The following ZMYM4 variants were observed in gnomAD, a reference collection of about 807,000 sequenced individuals.
ZMYM4 encodes the protein zinc finger MYM-type containing 4.
In ZMYM4, 31 loss-of-function variants were observed where a neutral mutation model predicts 183.2. The observed-to-expected ratio is 0.17, with a 90% CI of 0.13 to 0.23. The LOEUF (loss-of-function observed/expected upper bound fraction) is 0.23. ZMYM4 is among the 10% of genes least tolerant of loss of function. The pLI, the probability that ZMYM4 is intolerant of heterozygous loss-of-function variation, is 1.00. For synonymous variants in ZMYM4, 592 were observed against 631.2 expected (o/e 0.94, Z 0.93); for missense variants, 1,273 against 1,840.3 (o/e 0.69, Z 5.64).
At chr1:35,307,217 A>C (rs997761384) in intron 1 of ZMYM4, among the ~76,000 whole-genome samples, 4 of 152,204 alleles carry the variant, frequency 2.6e-5, no homozygotes, top group Non-Finnish European at 5.9e-5. Flanking sequence ...GGCATGATAG[A>C]GAGACTAACT....
intron 1 of ZMYM4, among the ~76,000 whole-genome samples, chr1:35,301,227 A>G (rs1429928802): frequency 6.6e-6 from 1 of 152,186 alleles, no homozygotes; most frequent in Non-Finnish European, 1.5e-5. Flanking sequence ...TTGATGCCCC[A>G]TGTGATACCC....
Position 35,298,968 on chromosome 1 carries a change from T to G in ZMYM4, c.40-26392T>G, listed in dbSNP as rs1276287811. Among the ~76,000 whole-genome samples, 5 of 152,246 alleles carry G rather than the reference T, an allele frequency of 3.3e-5. No homozygotes were observed. In the East Asian group the frequency reaches 9.6e-4, roughly 29 times the overall value. On this transcript the variant is annotated intron_variant, in intron 1 of 29. Transcript: ENST00000314607. The stretch of plus-strand genomic sequence containing the variant: ...CTTTCCTTTAATACCTCTTGTAGAC[T>G]GGTCTGGTAGTGATGAATTCTCTGT...
At chr1:35,412,612 ATAG>A (rs1393759668) in intron 26 of ZMYM4, among the ~76,000 whole-genome samples, 2 of 152,178 alleles carry the variant, frequency 1.3e-5, no homozygotes, top group African/African-American at 2.4e-5. Flanking sequence ...TTGCATATGA[ATAG>A]TAGTTGACTT....
chr1:35,351,383 G>A (rs1039720908), intron 2 of ZMYM4: 1 of 1,575,810 alleles, frequency 6.3e-7, no homozygotes, highest in African/African-American at 1.3e-5. Context: ...ACAAGAAACA[G>A]TTCTCTCAAT....
chr1:35,328,125 A>G (rs1275190559), intron 2 of ZMYM4, among the ~76,000 whole-genome samples: 1 of 152,200 alleles, frequency 6.6e-6, no homozygotes, highest in African/African-American at 2.4e-5. Context: ...ATTCTTAAAG[A>G]GGCAATAGGA....
chr1:35,315,790 A>G (rs1642018162), intron 1 of ZMYM4, among the ~76,000 whole-genome samples: 1 of 151,976 alleles, frequency 6.6e-6, no homozygotes, highest in Non-Finnish European at 1.5e-5. Flanking sequence ...AAAAAAATTC[A>G]CTGGATGTAC....
intron 7 of ZMYM4, among the ~76,000 whole-genome samples, chr1:35,372,607 C>G (rs1209289168): frequency 6.6e-6 from 1 of 152,184 alleles, no homozygotes. Context: ...TATACACACA[C>G]AGACACACAC....
intron 13 of ZMYM4, among the ~76,000 whole-genome samples, chr1:35,388,475 G>C (rs894006229): frequency 6.6e-6 from 1 of 152,162 alleles, no homozygotes; most frequent in Non-Finnish European, 1.5e-5. Context: ...AGAGTGCTGG[G>C]ATTACAGGTG....
Position 35,387,455 on chromosome 1 carries a change from G to A in ZMYM4, c.2114G>A (p.Gly705Asp), listed in dbSNP as rs867275279. The A allele has an allele frequency of 6.2e-7, 1 of 1,603,490 alleles. No homozygotes were observed. The highest frequency in any genetic ancestry group is 8.5e-7 in the Non-Finnish European group (1 of 1,176,410). The change falls in exon 13 of 30, where the codon GGC becomes GAC. Residue 705 changes from glycine to aspartate, a missense_variant and splice_region_variant. Physicochemically the swap from Gly to Asp is moderately conservative, Grantham distance 94. Coordinates refer to ENST00000314607, the MANE Select transcript of ZMYM4 (RefSeq NM_005095.3). ...ATKPELLDYK[G>D]KMFQFCGKNC... Reference sequence around the variant, plus strand: ...TACTTAATGATTATTTCTTTGCAGGGCAAAATGTTTCAGTTCTGTGGCAAG... The same window carrying A: ...TACTTAATGATTATTTCTTTGCAGGACAAAATGTTTCAGTTCTGTGGCAAG...
intron 18 of ZMYM4, among the ~76,000 whole-genome samples, chr1:35,395,282 T>C (rs187063699): frequency 6.6e-6 from 1 of 152,130 alleles, no homozygotes; most frequent in Admixed American, 6.6e-5. Flanking sequence ...GTAACAATTT[T>C]TTAATGTCCG....
Position 35,409,029 on chromosome 1 carries a change from C to T in ZMYM4, c.3948+870C>T, listed in dbSNP as rs145264156. Among the ~76,000 whole-genome samples, 13 of 152,342 alleles carry T rather than the reference C, an allele frequency of 8.5e-5. 2 individuals are homozygous for T. Among genetic ancestry groups the T allele is most frequent in the African/African-American group, 2.6e-4 (11 of 41,588 alleles). On this transcript the variant is annotated intron_variant, in intron 26 of 29. Coordinates refer to ENST00000314607, the MANE Select transcript of ZMYM4 (RefSeq NM_005095.3). ...GATATTTTGTATCAGTGGATTCACA[C>T]ACTATGTGGCCTTTTGTGTCTGGTT...
intron 19 of ZMYM4, 116 bp from the exon 20 acceptor site, chr1:35,397,260 CA>C: frequency 8.4e-7 from 1 of 1,193,454 alleles, no homozygotes; most frequent in Non-Finnish European, 1.1e-6. Context: ...TAATCATCAG[CA>C]ATGAATATAC....
rs1644651107 is a variant in ZMYM4, at chr1:35,389,394, A to G, written c.2436+312A>G. Among the ~76,000 whole-genome samples the G allele has an allele frequency of 6.6e-6, 1 of 152,060 alleles. No homozygotes were observed. The highest frequency in any genetic ancestry group is 6.6e-5 in the Admixed American group (1 of 15,260). On this transcript the variant is annotated intron_variant, in intron 14 of 29. Transcript: ENST00000314607. This position sits in a 1 kb window ranked among gnomAD's most constrained non-coding sequence, Gnocchi z 4.0. ...TCTGAGGAAGATAGACCTTATTTTT[A>G]TTTCACTTTGTTTTTTAATTGCTAT...
In ZMYM4 at chr1:35,399,710, T is replaced by C. The variant is rs1644869169; in HGVS notation, c.3528+134T>C. On this transcript the variant is annotated intron_variant, in intron 23 of 29. Coordinates refer to ENST00000314607, the MANE Select transcript of ZMYM4 (RefSeq NM_005095.3). Reference sequence around the variant, plus strand: ...CATGTTGTTTTGCAACTTTTGTTTTTTGAATTCAAGAACCATATATTTTAT... The same window carrying C: ...CATGTTGTTTTGCAACTTTTGTTTTCTGAATTCAAGAACCATATATTTTAT... 1.9e-5 allele frequency: 16 copies of C among 859,726 alleles called. No homozygotes were observed. The East Asian group carries it at 4.3e-4, about 23-fold the overall frequency. The allele number at this position is 859,726 out of a possible 1,614,324, so 53.3% of individuals were successfully genotyped here. A position where few individuals can be genotyped will look rare whatever the true frequency, so the allele number is the denominator to read the frequency against.
intron 1 of ZMYM4, among the ~76,000 whole-genome samples, chr1:35,320,147 T>C (rs1450569744): frequency 6.6e-6 from 1 of 152,182 alleles, no homozygotes. Flanking sequence ...TAAGTGTGGA[T>C]TGTGTACTAA....
chr1:35,270,316 T>A (rs1229636001), intron 1 of ZMYM4, among the ~76,000 whole-genome samples: 1 of 152,216 alleles, frequency 6.6e-6, no homozygotes, highest in African/African-American at 2.4e-5. Flanking sequence ...TGTGTTTCTC[T>A]CCTTAAAAGC....
intron 2 of ZMYM4, among the ~76,000 whole-genome samples, chr1:35,332,403 GTT>G (rs569755227): frequency 7.1e-5 from 9 of 126,114 alleles, no homozygotes; most frequent in Admixed American, 1.6e-4. Flanking sequence ...TACTGGGGAT[GTT>G]TTTTTTTTTT....
intron 13 of ZMYM4, 150 bp downstream of exon 13, chr1:35,387,754 C>T (rs959974622): frequency 1.1e-4 from 88 of 778,572 alleles, no homozygotes; most frequent in Non-Finnish European, 1.5e-4. Context: ...TTAGTTCATT[C>T]TTTTTTGATC....
At chr1:35,307,518 T>TTTA (rs1024942611) in intron 1 of ZMYM4, among the ~76,000 whole-genome samples, 12 of 145,550 alleles carry the variant, frequency 8.2e-5, no homozygotes, top group Non-Finnish European at 1.6e-4. Context: ...TTTAATTATT[T>TTTA]TTATTATTAT....
Sources: gnomAD v4.1 joint callset for allele counts (sites outside exome capture counted in the v4.1 genomes callset) on GRCh38, gnomAD v4.1.1 for gene constraint, Gnocchi (gnomAD v3.1) non-coding constraint, MANE v1.5 for transcripts, NCBI Gene and HGNC (gene_info 2026-07-23, HGNC 2026-07-21) for gene names.